Variants in YWHAZ observed in about 807,000 individuals in gnomAD.
The protein encoded by YWHAZ is tyrosine 3-monooxygenase/tryptophan 5-monooxygenase activation protein zeta.
For synonymous variants in YWHAZ, 87 were observed against 103.6 expected (o/e 0.84, Z 0.97); for missense variants, 79 against 284.8 (o/e 0.28, Z 5.20).
At chr8:100,947,961 A>G in intron 2 of YWHAZ, 2 of 623,126 alleles carry the variant, frequency 3.2e-6, no homozygotes, top group Non-Finnish European at 5.1e-6. Context: ...AATTCTTTTA[A>G]GCGCAGTGCT....
rs942221125 is a variant in YWHAZ at position 100,936,479 on chromosome 8, G to T, written c.295-11440C>A. Reference sequence around the variant, plus strand: ...TGAGGAGGACACCATATCACTTCCAGGAGTTCTCACCAAAAACTGGCAACC... The same window carrying T: ...TGAGGAGGACACCATATCACTTCCATGAGTTCTCACCAAAAACTGGCAACC... On this transcript the variant is annotated intron_variant, in intron 2 of 5. Transcript: ENST00000395958. 9.9e-5 allele frequency among the ~76,000 whole-genome samples: 15 copies of T among 152,208 alleles called. No individual in the cohort carries two copies. The East Asian group carries it at 2.9e-3, about 29-fold the overall frequency.
Position 100,948,465 on chromosome 8 carries a change from T to C in YWHAZ, c.294+131A>G, listed in dbSNP as rs1027617517. 3.9e-6 allele frequency: 4 copies of C among 1,027,226 alleles called. No homozygotes were observed. The African/African-American group carries it at 6.4e-5, about 16-fold the overall frequency. The allele number at this position is 1,027,226 out of a possible 1,614,324, so 63.6% of individuals were successfully genotyped here. ...TAACATCTTTTTAGTCATGACACCA[T>C]GAAGACTTTTAAATTTGGAACACAC... On this transcript the variant is annotated intron_variant, in intron 2 of 5. Transcript: ENST00000395958. This position sits in a 1 kb window ranked among gnomAD's most constrained non-coding sequence, Gnocchi z 4.2.
chr8:100,923,066 G>A (rs1028208309), intron 5 of YWHAZ: 1 of 152,140 alleles, frequency 6.6e-6, no homozygotes, highest in African/African-American at 2.4e-5. Flanking sequence ...CTAGCATATA[G>A]AACTGGTTTA....
rs1277699555 is a variant in YWHAZ, at chr8:100,948,952, G to A, written c.-11-52C>T. ...AAAATTTTTCCCATCAAAATAAACAGACTCAAAATTATACCTGTGGTAAAT... is the reference window on the plus strand; with the variant it reads ...AAAATTTTTCCCATCAAAATAAACAAACTCAAAATTATACCTGTGGTAAAT... On this transcript the variant is annotated intron_variant, in intron 1 of 5. Transcript: ENST00000395958. This position sits in a 1 kb window ranked among gnomAD's most constrained non-coding sequence, Gnocchi z 4.2. 1 of 1,519,904 alleles carries A rather than the reference G, an allele frequency of 6.6e-7. No homozygotes were observed. Among genetic ancestry groups the A allele is most frequent in the African/African-American group, 1.4e-5 (1 of 72,044 alleles). 94.2% of individuals were successfully genotyped at this position (1,519,904 alleles called of 1,614,324 possible).
intron 5 of YWHAZ, chr8:100,923,378 A>T (rs1181310938): frequency 6.6e-6 from 1 of 152,210 alleles, no homozygotes; most frequent in Non-Finnish European, 1.5e-5. Flanking sequence ...CAAATAACTT[A>T]AAAAAAGAGA....
intron 2 of YWHAZ, among the ~76,000 whole-genome samples, chr8:100,943,768 C>G (rs1423204256): frequency 6.6e-6 from 1 of 152,094 alleles, no homozygotes; most frequent in African/African-American, 2.4e-5. Context: ...AGGTGGATCA[C>G]GAGGTCAGGA....
At chr8:100,936,887 A>T (rs1262425007) in intron 2 of YWHAZ, among the ~76,000 whole-genome samples, 1 of 152,172 alleles carries the variant, frequency 6.6e-6, no homozygotes, top group Non-Finnish European at 1.5e-5. Context: ...AGTACTCTTG[A>T]AAAAAGTTCC....
intron 1 of YWHAZ, among the ~76,000 whole-genome samples, chr8:100,949,169 T>C (rs1310517672): frequency 2.6e-5 from 4 of 152,224 alleles, no homozygotes; most frequent in South Asian, 4.1e-4. Flanking sequence ...AAATTTCACA[T>C]GTCAAAATTA....
upstream of YWHAZ, chr8:100,952,786 C>G: frequency 1.0e-6 from 1 of 998,204 alleles, no homozygotes; most frequent in Non-Finnish European, 1.2e-6. Context: ...CGCTCCCCTT[C>G]CCCGGCTGGG....
In YWHAZ at chr8:100,918,445, A is replaced by ATATATATATATATATATATAT. The variant is rs1554611445; in HGVS notation, c.*2247_*2248insATATATATATATATATATATA. Reference sequence around the variant, plus strand: ...ATATATATATATATATATATATATAATTATTTTACCTCCTTGGCTTGGGGG... The same window carrying ATATATATATATATATATATAT: ...ATATATATATATATATATATATATAATATATATATATATATATATATTTATTTTACCTCCTTGGCTTGGGGG... On this transcript the variant is annotated 3_prime_UTR_variant, in exon 6 of 6. Coordinates refer to ENST00000395958, the MANE Select transcript of YWHAZ (RefSeq NM_145690.3). The ATATATATATATATATATATAT allele has an allele frequency of 5.3e-4, 16 of 30,248 alleles. No homozygotes were observed. The highest frequency in any genetic ancestry group is 1.1e-3 in the Non-Finnish European group (14 of 12,564). 1.9% of individuals were successfully genotyped at this position (30,248 alleles called of 1,614,324 possible).
chr8:100,921,201 T>C (rs1813002232), intron 5 of YWHAZ, among the ~76,000 whole-genome samples: 1 of 152,082 alleles, frequency 6.6e-6, no homozygotes, highest in Non-Finnish European at 1.5e-5. Flanking sequence ...ACCCATCTAA[T>C]TTTTGTATTT....
At chr8:100,943,275 T>C (rs1196500788) in intron 2 of YWHAZ, among the ~76,000 whole-genome samples, 3 of 152,198 alleles carry the variant, frequency 2.0e-5, no homozygotes, top group East Asian at 3.8e-4. Flanking sequence ...GCAAAAGCTA[T>C]GGGAACTAGA....
intron 2 of YWHAZ, among the ~76,000 whole-genome samples, chr8:100,938,172 CA>C (rs1445833506): frequency 2.6e-5 from 4 of 152,074 alleles, no homozygotes; most frequent in African/African-American, 7.2e-5. Flanking sequence ...AAATTAAAGC[CA>C]CTTATTTTGT....
chr8:100,936,919 T>C (rs1814187379), intron 2 of YWHAZ, among the ~76,000 whole-genome samples: 2 of 152,184 alleles, frequency 1.3e-5, no homozygotes, highest in South Asian at 4.1e-4. Context: ...AGGCAAAGAC[T>C]AAAACAAGAC....
intron 2 of YWHAZ, among the ~76,000 whole-genome samples, chr8:100,933,090 G>C (rs1008910164): frequency 5.9e-5 from 9 of 152,296 alleles, no homozygotes; most frequent in African/African-American, 1.9e-4. Context: ...GCTCGGCGCA[G>C]TGGCTCACAC....
At chr8:100,952,045 A>G (rs951868880), upstream of YWHAZ, 38 of 989,686 alleles carry the variant, frequency 3.8e-5, no homozygotes, top group African/African-American at 5.9e-4. Flanking sequence ...CTCACAGGCT[A>G]CAGCCGCTCC....
At chr8:100,952,152 C>G (rs1810840042), upstream of YWHAZ, 1 of 985,376 alleles carries the variant, frequency 1.0e-6, no homozygotes, top group Admixed American at 6.1e-5. Context: ...TGATTGGTGC[C>G]CACAGCGATC....
At chr8:100,947,156 A>C (rs1325227480) in intron 2 of YWHAZ, among the ~76,000 whole-genome samples, 6 of 150,548 alleles carry the variant, frequency 4.0e-5, no homozygotes, top group Non-Finnish European at 7.4e-5. Context: ...CGGGAGGCTG[A>C]GGCAGGAGAA....
upstream of YWHAZ, chr8:100,952,590 C>T (rs1810883456): frequency 5.1e-6 from 1 of 196,244 alleles, no homozygotes; most frequent in Admixed American, 6.5e-5. Context: ...GCCCGGCCCG[C>T]CCCACCCTCC....
Sources: allele counts gnomAD v4.1 joint callset (sites outside exome capture counted in the v4.1 genomes callset), GRCh38; gene constraint gnomAD v4.1.1; non-coding constraint Gnocchi (gnomAD v3.1); transcripts MANE v1.5; gene names NCBI Gene and HGNC (gene_info 2026-07-23, HGNC 2026-07-21).